The following CHD5 variants were observed in gnomAD, a reference collection of about 807,000 sequenced individuals.
CHD5 encodes the protein ATP-dependent chromatin remodeler CHD5.
A neutral mutation model predicts 230.3 loss-of-function variants in CHD5; 69 were observed. The observed-to-expected ratio is 0.30, with a 90% CI of 0.25 to 0.37. The LOEUF is 0.37. Ranked by LOEUF, CHD5 falls within the 10% of genes least tolerant of loss-of-function variation. The pLI is 1.00. For synonymous variants in CHD5, 1,064 were observed against 1,065.9 expected (o/e 1.00, Z 0.03); for missense variants, 1,827 against 2,622.8 (o/e 0.70, Z 6.63).
chr1:6,107,708 A>AGACGGAGGAATAATAGAGGGAT (rs1666212706), intron 38 of CHD5, among the ~76,000 whole-genome samples: 1 of 111,938 alleles, frequency 8.9e-6, no homozygotes, highest in African/African-American at 3.4e-5. Flanking sequence ...GATGATGGAG[A>AGACGGAGGAATAATAGAGGGAT]GATGGAGGGA....
At chr1:6,111,683 G>A (rs1327529235) in intron 36 of CHD5, 92 bp downstream of exon 36, 1 of 973,304 alleles carries the variant, frequency 1.0e-6, no homozygotes, top group Non-Finnish European at 1.6e-6. Context: ...GGAAGAACGA[G>A]GAAGGCTTCC....
At position 6,134,164 on chromosome 1, in the gene CHD5, C is replaced by T; in HGVS notation, c.3108G>A (p.Leu1036=). Residue 1036 remains leucine (L), a synonymous_variant, in exon 20 of 42, where the codon CTG becomes CTA. Coordinates refer to ENST00000262450, the MANE Select transcript of CHD5 (RefSeq NM_015557.3). This position sits in a 1 kb window ranked among gnomAD's most constrained non-coding sequence, Gnocchi z 6.3. ...LMLLQKMLKK[L]RDEGHRVLIF... ...TGAGCACACGGTGCCCCTCATCCCG[C>T]AGTTTCTTCAGCATCTTCTGTAGCA... The T allele has an allele frequency of 1.2e-6, 2 of 1,613,814 alleles. No homozygotes were observed.
At chr1:6,147,293 A>G (rs941376966) in intron 9 of CHD5, among the ~76,000 whole-genome samples, 84 of 152,212 alleles carry the variant, frequency 5.5e-4, no homozygotes, top group Middle Eastern at 3.4e-3. Flanking sequence ...TCACTGTGTG[A>G]TCCCCAAGCA....
chr1:6,113,064 G>T, intron 33 of CHD5, 66 bp from the exon 34 acceptor site: 1 of 1,115,878 alleles, frequency 9.0e-7, no homozygotes, highest in East Asian at 2.3e-5. Context: ...CTCTGGGCTC[G>T]TGGCTTTCCA....
chr1:6,150,431 A>AGGATGGATGGAT (rs74209532), intron 7 of CHD5, among the ~76,000 whole-genome samples: 25 of 132,038 alleles, frequency 1.9e-4, no homozygotes, highest in East Asian at 1.3e-3. Context: ...GATGGATGAT[A>AGGATGGATGGAT]GGATGGATGG....
chr1:6,118,392 A>G (rs1477917898), intron 33 of CHD5, among the ~76,000 whole-genome samples: 1 of 151,936 alleles, frequency 6.6e-6, no homozygotes, highest in African/African-American at 2.4e-5. Flanking sequence ...AAAAAAAAAA[A>G]AAAAAAAGGA....
In CHD5 at chr1:6,109,935, T is replaced by A. The variant is rs1370468031; in HGVS notation, c.5438A>T (p.Asn1813Ile). The stretch of plus-strand genomic sequence containing the variant: ...GGGGTGGTTGGGGTCCTGCGTCATG[T>A]TCAGGTACGCGGCCCTCCGGAGCTG... ...EEQLRRAAYL[N>I]MTQDPNHPAM... The change falls in exon 38 of 42, where the codon AAC (asparagine) becomes ATC (isoleucine). Residue 1813 changes from asparagine to isoleucine, a missense_variant. Coordinates refer to ENST00000262450, the MANE Select transcript of CHD5 (RefSeq NM_015557.3). 6.2e-7 allele frequency: 1 copy of A among 1,601,092 alleles called. No individual in the cohort carries two copies. Among genetic ancestry groups the A allele is most frequent in the Non-Finnish European group, 8.5e-7 (1 of 1,174,494 alleles).
At chr1:6,118,761 C>T (rs1041871370) in intron 33 of CHD5, among the ~76,000 whole-genome samples, 1 of 150,788 alleles carries the variant, frequency 6.6e-6, no homozygotes, top group Admixed American at 6.6e-5. Flanking sequence ...GCAGTGGTGC[C>T]ATCTCGGCTC....
At chr1:6,114,252 C>CAAA (rs34379729) in intron 33 of CHD5, among the ~76,000 whole-genome samples, 2 of 139,656 alleles carry the variant, frequency 1.4e-5, no homozygotes, top group Non-Finnish European at 3.1e-5. Context: ...GACTCCGTCT[C>CAAA]AAAAAAAAAA....
intron 9 of CHD5, 21 bp downstream of exon 9, chr1:6,148,833 C>T (rs754751107): frequency 2.4e-6 from 3 of 1,234,734 alleles, no homozygotes; most frequent in Admixed American, 5.9e-5. Flanking sequence ...GCGTCCGGCG[C>T]GGGGCGGGCG....
intron 36 of CHD5, among the ~76,000 whole-genome samples, chr1:6,111,293 G>A (rs1480476935): frequency 1.2e-4 from 18 of 151,632 alleles, no homozygotes; most frequent in Non-Finnish European, 2.5e-4. Context: ...CAGCACTTTG[G>A]GAGGCCAAGG....
chr1:6,174,306 T>TA (rs1471733665), intron 1 of CHD5, among the ~76,000 whole-genome samples: 14 of 152,074 alleles, frequency 9.2e-5, no homozygotes, highest in African/African-American at 3.1e-4. Flanking sequence ...CCCAGAAAGT[T>TA]AGACAACACA....
At chr1:6,116,234 GCT>G (rs1557538760) in intron 33 of CHD5, among the ~76,000 whole-genome samples, 2 of 152,066 alleles carry the variant, frequency 1.3e-5, no homozygotes. Flanking sequence ...CACTCAGCAG[GCT>G]CAAAATATAT....
intron 17 of CHD5, among the ~76,000 whole-genome samples, chr1:6,135,717 G>A (rs1011010016): frequency 1.3e-5 from 2 of 152,100 alleles, no homozygotes; most frequent in African/African-American, 4.8e-5. Context: ...TGCCAAAACC[G>A]GCCCTCAAAT....
chr1:6,104,467 G>C lies in CHD5; in HGVS notation c.*1007C>G, dbSNP rs1666126332. 6.8e-6 allele frequency: 1 copy of C among 146,408 alleles called. No individual in the cohort carries two copies. The highest frequency in any genetic ancestry group is 1.5e-5 in the Non-Finnish European group (1 of 66,436). The allele number at this position is 146,408 out of a possible 1,614,324, so 9.1% of individuals were successfully genotyped here. ...GGTTCCACCTCCGGAGGTGGGCAGG[G>C]TAGGCATCCCAGGGCACAGGGCAGG... On this transcript the variant is annotated 3_prime_UTR_variant, in exon 42 of 42. Transcript: ENST00000262450.
rs981024544 is a variant in CHD5 at position 6,146,552 on chromosome 1, C to A, written c.1590+113G>T. 126 of 1,392,266 alleles carry A rather than the reference C, an allele frequency of 9.0e-5. No homozygotes were observed. Among genetic ancestry groups the A allele is most frequent in the Middle Eastern group, 2.0e-4 (1 of 5,050 alleles). 86.2% of individuals were successfully genotyped at this position (1,392,266 alleles called of 1,614,324 possible). A position where few individuals can be genotyped will look rare whatever the true frequency, so the allele number is the denominator to read the frequency against. On this transcript the variant is annotated intron_variant, in intron 10 of 41. Coordinates refer to ENST00000262450, the MANE Select transcript of CHD5 (RefSeq NM_015557.3). The surrounding 1 kb of genome is among the most constrained non-coding windows in gnomAD (Gnocchi z 5.1). ...ATCCTCCCGCTCAGCACCACCCCAA[C>A]TCCCAACAGCACCCCTCAGTCAGAG...
At chr1:6,124,411 T>C in intron 30 of CHD5, 106 bp downstream of exon 30, 2 of 1,309,356 alleles carry the variant, frequency 1.5e-6, no homozygotes, top group Non-Finnish European at 2.2e-6. Flanking sequence ...TGGGCAGCTG[T>C]GTGGCCTGAA....
Position 6,142,755 on chromosome 1 carries a change from C to T in CHD5, c.2044-150G>A, listed in dbSNP as rs1557550800. On this transcript the variant is annotated intron_variant, in intron 13 of 41. Transcript: ENST00000262450. The surrounding 1 kb of genome is among the most constrained non-coding windows in gnomAD (Gnocchi z 5.2). Reference sequence around the variant, plus strand: ...ACTCTTCTCCAGTTCTTGGATGGAACACCTCTTCCTCTAGGAAGCCCTCCC... The same window carrying T: ...ACTCTTCTCCAGTTCTTGGATGGAATACCTCTTCCTCTAGGAAGCCCTCCC... 4 of 909,688 alleles carry T rather than the reference C, an allele frequency of 4.4e-6. No individual in the cohort carries two copies. The highest frequency in any genetic ancestry group is 2.7e-5 in the East Asian group (1 of 36,850). 56.4% of individuals were successfully genotyped at this position (909,688 alleles called of 1,614,324 possible). A position where few individuals can be genotyped will look rare whatever the true frequency, so the allele number is the denominator to read the frequency against.
chr1:6,111,984 C>T (rs1408536233), intron 35 of CHD5, 101 bp from the exon 36 acceptor site: 1 of 1,370,412 alleles, frequency 7.3e-7, no homozygotes, highest in Non-Finnish European at 1.0e-6. Flanking sequence ...CTGCCTCCAC[C>T]CCCAGAGGTC....
Sources: allele counts gnomAD v4.1 joint callset (sites outside exome capture counted in the v4.1 genomes callset), GRCh38; gene constraint gnomAD v4.1.1; non-coding constraint Gnocchi (gnomAD v3.1); transcripts MANE v1.5; gene names NCBI Gene and HGNC (gene_info 2026-07-23, HGNC 2026-07-21).